The following GALNT13 variants were observed in gnomAD, a reference collection of about 807,000 sequenced individuals.
The protein encoded by GALNT13 is polypeptide N-acetylgalactosaminyltransferase 13, also known as UDP-GalNAc:polypeptide N-acetylgalactosaminyltransferase 13.
In GALNT13, 28 loss-of-function variants were observed where a neutral mutation model predicts 64.2. The ratio of observed to expected loss-of-function variants is 0.44; its 90% CI spans 0.32 to 0.60. The LOEUF (loss-of-function observed/expected upper bound fraction) is 0.60, where lower values mean the gene tolerates loss of function less well. Ranked by LOEUF, GALNT13 falls within the 20% of genes least tolerant of loss-of-function variation. The pLI is 0.05. For synonymous variants in GALNT13, 214 were observed against 224.6 expected, an observed-to-expected ratio of 0.95 and a Z score of 0.42; for missense variants, 577 against 669.8, an observed-to-expected ratio of 0.86 and a Z score of 1.53.
intron 4 of GALNT13, among the ~76,000 whole-genome samples, chr2:154,222,350 A>G (rs1688366621): frequency 6.6e-6 from 1 of 152,270 alleles, no homozygotes; most frequent in Non-Finnish European, 1.5e-5. Flanking sequence ...CCTCATGAGT[A>G]CTATTTTATT....
chr2:153,617,698 C>G, the GALNT13 span, among the ~76,000 whole-genome samples: 1 of 151,348 alleles, frequency 6.6e-6, no homozygotes, highest in African/African-American at 2.4e-5. Flanking sequence ...TTTTTTTTTA[C>G]TGGGAAATTA....
chr2:153,813,167 G>A, the GALNT13 span, among the ~76,000 whole-genome samples: 1 of 152,122 alleles, frequency 6.6e-6, no homozygotes, highest in African/African-American at 2.4e-5. Flanking sequence ...GTGATTCAGA[G>A]TCTAAGTATA....
chr2:153,138,239 C>T, the GALNT13 span, among the ~76,000 whole-genome samples: 1 of 152,036 alleles, frequency 6.6e-6, no homozygotes, highest in East Asian at 1.9e-4. Context: ...CTTATGCTGA[C>T]TGTGAAGAGT....
the GALNT13 span, among the ~76,000 whole-genome samples, chr2:153,782,617 A>G: frequency 6.6e-6 from 1 of 152,176 alleles, no homozygotes; most frequent in African/African-American, 2.4e-5. Context: ...AACATACCTG[A>G]TATTTTAATA....
At chr2:154,083,996 A>C (rs953808161) in intron 3 of GALNT13, among the ~76,000 whole-genome samples, 2 of 151,864 alleles carry the variant, frequency 1.3e-5, no homozygotes, top group African/African-American at 4.8e-5. Context: ...CAACCTAAGG[A>C]CTAAAAGAGC....
At chr2:153,103,196 A>G in the GALNT13 span, among the ~76,000 whole-genome samples, 1 of 152,270 alleles carries the variant, frequency 6.6e-6, no homozygotes, top group East Asian at 1.9e-4. Context: ...GGCCTGAAAC[A>G]CTTGCCACTG....
chr2:153,488,470 T>G, the GALNT13 span, among the ~76,000 whole-genome samples: 1 of 152,232 alleles, frequency 6.6e-6, no homozygotes, highest in South Asian at 2.1e-4. Flanking sequence ...TTCAGGCTGC[T>G]GAGTGACCCA....
At chr2:153,656,227 A>G in the GALNT13 span, among the ~76,000 whole-genome samples, 4 of 152,100 alleles carry the variant, frequency 2.6e-5, no homozygotes, top group Admixed American at 2.6e-4. Flanking sequence ...AAAACAAAAG[A>G]CAATGAGCAC....
the GALNT13 span, among the ~76,000 whole-genome samples, chr2:153,424,732 G>C: frequency 1.3e-5 from 2 of 151,808 alleles, no homozygotes; most frequent in Non-Finnish European, 3.0e-5. Context: ...AATAAAACTA[G>C]TAGCTGCATT....
the GALNT13 span, among the ~76,000 whole-genome samples, chr2:153,403,014 G>T: frequency 6.6e-6 from 1 of 151,332 alleles, no homozygotes; most frequent in Non-Finnish European, 1.5e-5. Flanking sequence ...CTGCTTTTTA[G>T]AGTTTCCAGT....
the GALNT13 span, among the ~76,000 whole-genome samples, chr2:153,359,629 G>GAAAAAAAAAAAAAAAAAAAAA: frequency 1.1e-4 from 1 of 8,926 alleles, no homozygotes; most frequent in Non-Finnish European, 2.1e-4. Context: ...CCAGCTTTCA[G>GAAAAAAAAAAAAAAAAAAAAA]CAAAAAAAAA....
chr2:153,558,446 C>G, the GALNT13 span, among the ~76,000 whole-genome samples: 1 of 152,292 alleles, frequency 6.6e-6, no homozygotes, highest in South Asian at 2.1e-4. Context: ...GCCCCTCCAG[C>G]GGTATCCCAC....
At chr2:153,523,043 ATTTTTTTT>A in the GALNT13 span, among the ~76,000 whole-genome samples, 4 of 83,404 alleles carry the variant, frequency 4.8e-5, no homozygotes, top group South Asian at 4.6e-4. Flanking sequence ...TGTGTTTACT[ATTTTTTTT>A]TTTTTTTTTT....
At chr2:153,278,135 G>A in the GALNT13 span, among the ~76,000 whole-genome samples, 109 of 151,648 alleles carry the variant, frequency 7.2e-4, no homozygotes, top group African/African-American at 2.4e-3. Flanking sequence ...AGAGACCACC[G>A]TGTTAGCCAG....
the GALNT13 span, among the ~76,000 whole-genome samples, chr2:153,456,642 C>T: frequency 1.2e-4 from 19 of 152,270 alleles, no homozygotes; most frequent in African/African-American, 4.3e-4. Context: ...ATGTTCTGTT[C>T]TATGGGCTTT....
At chr2:154,370,394 A>G (rs187990090) in intron 9 of GALNT13, among the ~76,000 whole-genome samples, 18 of 152,330 alleles carry the variant, frequency 1.2e-4, no homozygotes, top group African/African-American at 4.3e-4. Flanking sequence ...AAGCATAAAC[A>G]GGAAAACTAG....
intron 1 of GALNT13, among the ~76,000 whole-genome samples, chr2:153,883,330 C>T (rs933121218): frequency 1.3e-5 from 2 of 151,616 alleles, no homozygotes; most frequent in African/African-American, 4.8e-5. Flanking sequence ...AATTGGACGT[C>T]TAGTAAGAAA....
chr2:154,098,909 A>T (rs1702206254), intron 3 of GALNT13, among the ~76,000 whole-genome samples: 2 of 149,802 alleles, frequency 1.3e-5, no homozygotes, highest in South Asian at 4.2e-4. Flanking sequence ...GTATATAATG[A>T]TTTTTTTTTT....
chr2:153,824,028 C>G, the GALNT13 span, among the ~76,000 whole-genome samples: 3 of 152,234 alleles, frequency 2.0e-5, no homozygotes, highest in African/African-American at 7.2e-5. Flanking sequence ...CTCCACATCA[C>G]TAATCATCAG....
Sources: allele counts gnomAD v4.1 joint callset (sites outside exome capture counted in the v4.1 genomes callset), GRCh38; gene constraint gnomAD v4.1.1; transcripts MANE v1.5; gene names NCBI Gene and HGNC (gene_info 2026-07-23, HGNC 2026-07-21).